Variants in TAMM41 observed in about 807,000 individuals in gnomAD.
TAMM41 encodes the protein TAM41 mitochondrial translocator assembly and maintenance homolog, also known as phosphatidate cytidylyltransferase, mitochondrial.
A neutral mutation model predicts 44.1 loss-of-function variants in TAMM41; 36 were observed. The ratio of observed to expected loss-of-function variants is 0.82; its 90% CI spans 0.63 to 1.08. The LOEUF is 1.08. Among genes scored for constraint, TAMM41 ranks in the 50% least tolerant of loss-of-function variants. The pLI, the probability that TAMM41 is intolerant of heterozygous loss-of-function variation, is 0.00. For synonymous variants in TAMM41, 164 were observed against 153.1 expected (o/e 1.07, Z -0.53); for missense variants, 417 against 404.3 (o/e 1.03, Z -0.27).
intron 4 of TAMM41, among the ~76,000 whole-genome samples, chr3:11,821,689 G>T (rs1004148725): frequency 8.5e-5 from 13 of 152,216 alleles, no homozygotes; most frequent in African/African-American, 3.1e-4. Flanking sequence ...ATGGAGGGTA[G>T]AGGAAGCGCT....
In TAMM41 at chr3:11,792,759, A is replaced by G. The variant is rs1575599047; in HGVS notation, c.938-2178T>C. Among the ~76,000 whole-genome samples, 3 of 152,336 alleles carry G rather than the reference A, an allele frequency of 2.0e-5. No individual in the cohort carries two copies. The East Asian group carries it at 5.8e-4, about 29-fold the overall frequency. ...TACATGAAATTATGAACTTCTTTTC[A>G]CCAAAAGACACCATTAAGAGAGTGA... is the stretch of plus-strand genomic sequence containing the variant. On this transcript the variant is annotated intron_variant, in intron 7 of 7. Transcript: ENST00000455809.
the TAMM41 span, among the ~76,000 whole-genome samples, chr3:11,776,476 A>G: frequency 6.6e-6 from 1 of 152,028 alleles, no homozygotes; most frequent in African/African-American, 2.4e-5. Flanking sequence ...CTATGTGTGG[A>G]CATGTCTAGA....
intron 3 of TAMM41, chr3:11,830,646 A>T (rs115135930): frequency 6.6e-6 from 1 of 152,074 alleles, no homozygotes; most frequent in African/African-American, 2.4e-5. Context: ...AGGCCAAAGC[A>T]GGGGGATCAT....
the TAMM41 span, among the ~76,000 whole-genome samples, chr3:11,758,926 C>T: frequency 3.3e-5 from 5 of 152,190 alleles, no homozygotes; most frequent in Non-Finnish European, 5.9e-5. Flanking sequence ...CCTGCCTTGG[C>T]CTCCCAAAGT....
chr3:11,810,537 C>T (rs1203023975), intron 5 of TAMM41, among the ~76,000 whole-genome samples: 2 of 152,174 alleles, frequency 1.3e-5, no homozygotes, highest in African/African-American at 4.8e-5. Flanking sequence ...CTGCCAAGTG[C>T]AGAACCAGTA....
chr3:11,752,361 C>T, the TAMM41 span, among the ~76,000 whole-genome samples: 2 of 152,204 alleles, frequency 1.3e-5, no homozygotes, highest in Non-Finnish European at 2.9e-5. Context: ...TGGGTTGCTG[C>T]TGCTGGTGGG....
intron 7 of TAMM41, among the ~76,000 whole-genome samples, chr3:11,802,990 G>C (rs1163731505): frequency 1.3e-5 from 2 of 152,184 alleles, no homozygotes; most frequent in African/African-American, 2.4e-5. Context: ...GCATTCAATA[G>C]CCTGGGCACA....
At chr3:11,833,441 C>T (rs2125042664) in intron 3 of TAMM41, among the ~76,000 whole-genome samples, 1 of 152,308 alleles carries the variant, frequency 6.6e-6, no homozygotes, top group South Asian at 2.1e-4. Context: ...GCCCTACCTA[C>T]TGTTCAAATA....
the TAMM41 span, among the ~76,000 whole-genome samples, chr3:11,749,465 C>T: frequency 6.6e-6 from 1 of 152,220 alleles, no homozygotes; most frequent in Non-Finnish European, 1.5e-5. Flanking sequence ...CCCTCGAATT[C>T]TGTGCAACGC....
the TAMM41 span, among the ~76,000 whole-genome samples, chr3:11,774,187 G>T: frequency 2.0e-5 from 3 of 152,150 alleles, no homozygotes; most frequent in Non-Finnish European, 4.4e-5. Flanking sequence ...CCTACAACAG[G>T]TTTGAGCACT....
chr3:11,733,621 T>C, the TAMM41 span, among the ~76,000 whole-genome samples: 1 of 151,800 alleles, frequency 6.6e-6, no homozygotes, highest in Non-Finnish European at 1.5e-5. Flanking sequence ...GCCTCCTGAG[T>C]AGCTGGGACT....
chr3:11,764,856 T>A, the TAMM41 span, among the ~76,000 whole-genome samples: 37 of 152,320 alleles, frequency 2.4e-4, no homozygotes, highest in African/African-American at 8.4e-4. Context: ...GTAAGTTATA[T>A]ACAAACCTTT....
At chr3:11,835,381 A>G (rs1490380564) in intron 3 of TAMM41, among the ~76,000 whole-genome samples, 1 of 152,240 alleles carries the variant, frequency 6.6e-6, no homozygotes, top group Non-Finnish European at 1.5e-5. Flanking sequence ...ATCACTTTCA[A>G]ATGACTTTAT....
chr3:11,726,928 G>A, the TAMM41 span, among the ~76,000 whole-genome samples: 2 of 152,014 alleles, frequency 1.3e-5, no homozygotes, highest in African/African-American at 4.8e-5. Context: ...TTCTCATAGT[G>A]TGAGAACAGG....
the TAMM41 span, among the ~76,000 whole-genome samples, chr3:11,725,154 C>T: frequency 7.0e-6 from 1 of 141,956 alleles, no homozygotes; most frequent in African/African-American, 2.6e-5. Context: ...CTTCTCCTTC[C>T]TCTTCTCCTC....
chr3:11,755,759 C>G, the TAMM41 span, among the ~76,000 whole-genome samples: 29 of 152,276 alleles, frequency 1.9e-4, no homozygotes, highest in Middle Eastern at 3.4e-3. Context: ...ACACACCTCT[C>G]CAGCCTCACC....
downstream of TAMM41, among the ~76,000 whole-genome samples, chr3:11,788,069 C>T (rs1267787627): frequency 6.6e-6 from 1 of 152,212 alleles, no homozygotes; most frequent in Non-Finnish European, 1.5e-5. Context: ...AGCCAGGGTT[C>T]AAGCCCCAGC....
Position 11,809,572 on chromosome 3 carries a change from T to C in TAMM41, c.819A>G (p.Glu273=). ...CATGAGCCACTTGGAATAAAGTTTC[T>C]TCCACATCTCTGTTTTTTCCAGGAG... ...MDPPGKNRDV[E]ETLFQVAHDP... Residue 273 remains glutamate, a synonymous_variant, in exon 6 of 8, where the codon GAA becomes GAG. Transcript: ENST00000455809. 6.2e-7 allele frequency: 1 copy of C among 1,614,204 alleles called. No individual in the cohort carries two copies.
chr3:11,722,280 G>A, the TAMM41 span, among the ~76,000 whole-genome samples: 1 of 152,148 alleles, frequency 6.6e-6, no homozygotes, highest in African/African-American at 2.4e-5. Flanking sequence ...ATCAGCATTA[G>A]CGTGACTTAG....
Sources: allele counts gnomAD v4.1 joint callset (sites outside exome capture counted in the v4.1 genomes callset), GRCh38; gene constraint gnomAD v4.1.1; transcripts MANE v1.5; gene names NCBI Gene and HGNC (gene_info 2026-07-23, HGNC 2026-07-21).